Variants in PAX5 observed in about 807,000 individuals in gnomAD.
PAX5 encodes the protein paired box protein Pax-5.
Under a neutral mutation model 43.7 loss-of-function variants are expected in PAX5, and 9 were observed. The observed-to-expected ratio is 0.21, with a 90% CI of 0.12 to 0.36. The LOEUF (loss-of-function observed/expected upper bound fraction) is 0.36. Among genes scored for constraint, PAX5 ranks in the 10% least tolerant of loss-of-function variants. The probability of loss-of-function intolerance (pLI) is 1.00; values close to 1 mark genes in which losing one functional copy is unlikely to be tolerated. For synonymous variants in PAX5, 228 were observed against 214.3 expected (o/e 1.06, Z -0.56); for missense variants, 383 against 532.7 (o/e 0.72, Z 2.77).
At chr9:36,953,076 T>C (rs973663607) in intron 6 of PAX5, among the ~76,000 whole-genome samples, 5 of 152,204 alleles carry the variant, frequency 3.3e-5, no homozygotes, top group African/African-American at 9.6e-5. Flanking sequence ...AAAGTCTTTA[T>C]TTTTTCCTTC....
intron 7 of PAX5, among the ~76,000 whole-genome samples, chr9:36,898,594 T>G (rs1269948016): frequency 6.6e-6 from 1 of 152,098 alleles, no homozygotes; most frequent in East Asian, 1.9e-4. Context: ...TGACGGGAAA[T>G]GCTTTGGAAA....
At chr9:36,931,155 T>C (rs1831086559) in intron 6 of PAX5, among the ~76,000 whole-genome samples, 1 of 152,168 alleles carries the variant, frequency 6.6e-6, no homozygotes, top group African/African-American at 2.4e-5. Flanking sequence ...GGCCAACCAT[T>C]CCCATTCTGA....
intron 7 of PAX5, among the ~76,000 whole-genome samples, chr9:36,891,742 C>T (rs1347510107): frequency 2.0e-5 from 3 of 152,082 alleles, no homozygotes; most frequent in Non-Finnish European, 4.4e-5. Context: ...GAATAGTAAC[C>T]CTCAATTTCT....
intron 5 of PAX5, among the ~76,000 whole-genome samples, chr9:36,969,877 G>A (rs1307537961): frequency 6.6e-6 from 1 of 152,198 alleles, no homozygotes; most frequent in Non-Finnish European, 1.5e-5. Context: ...CTTTACTAGG[G>A]AAATAATGGC....
At chr9:36,886,385 C>A (rs541643824) in intron 7 of PAX5, among the ~76,000 whole-genome samples, 4 of 152,296 alleles carry the variant, frequency 2.6e-5, no homozygotes, top group Admixed American at 2.0e-4. Context: ...GGTTGGGGAA[C>A]CCAGTCTTAT....
At chr9:36,848,619 A>G (rs1563886929) in intron 8 of PAX5, among the ~76,000 whole-genome samples, 1 of 152,124 alleles carries the variant, frequency 6.6e-6, no homozygotes, top group Non-Finnish European at 1.5e-5. Flanking sequence ...GAACAGGGAC[A>G]GCGCCCTCCC....
At chr9:36,895,385 G>A (rs10973120) in intron 7 of PAX5, among the ~76,000 whole-genome samples, 70,995 of 152,144 alleles carry the variant, frequency 0.47, 19,807 homozygotes, top group East Asian at 0.66. Context: ...AATCGTATGA[G>A]GTAGAAATGA....
rs115172178 is a variant in PAX5, at chr9:36,900,372, C to A, written c.911-18267G>T. The stretch of plus-strand genomic sequence containing the variant: ...GTGTGAACCAAAGGGTCTGCGTCCA[C>A]AGGCGACAGCATGGCCGCTTCACAG... On this transcript the variant is annotated intron_variant, in intron 7 of 9. Coordinates refer to ENST00000358127, the MANE Select transcript of PAX5 (RefSeq NM_016734.3). Among the ~76,000 whole-genome samples the A allele has an allele frequency of 1.5e-3, 223 of 152,358 alleles. 1 individual carries two copies. The highest frequency in any genetic ancestry group is 5.0e-3 in the African/African-American group (208 of 41,582).
intron 8 of PAX5, among the ~76,000 whole-genome samples, chr9:36,874,835 C>T (rs539048442): frequency 6.6e-6 from 1 of 152,268 alleles, no homozygotes; most frequent in African/African-American, 2.4e-5. Flanking sequence ...TGTTCACCGC[C>T]CTATCCAGCC....
chr9:36,921,851 G>A (rs1830198636), intron 7 of PAX5, among the ~76,000 whole-genome samples: 1 of 152,166 alleles, frequency 6.6e-6, no homozygotes, highest in African/African-American at 2.4e-5. Flanking sequence ...CCTGAGACTT[G>A]GTTTCTGTGT....
rs1034929171 is a variant in PAX5 at position 36,835,414 on chromosome 9, GCT to G, written c.*5144_*5145del. The G allele has an allele frequency of 1.3e-5, 3 of 232,642 alleles. No homozygotes were observed. The highest frequency in any genetic ancestry group is 1.1e-4 in the Admixed American group (2 of 17,760). The allele number at this position is 232,642 out of a possible 1,614,324, so 14.4% of individuals were successfully genotyped here. A position where few individuals can be genotyped will look rare whatever the true frequency, so the allele number is the denominator to read the frequency against. The stretch of plus-strand genomic sequence containing the variant: ...CATCAGGGGAGCAGGCAGGCAAGGG[GCT>G]CACAGCCTGGCCTCTGCAGAGGCCC... On this transcript the variant is annotated 3_prime_UTR_variant, in exon 10 of 10. Transcript: ENST00000358127.
intron 7 of PAX5, among the ~76,000 whole-genome samples, chr9:36,900,937 G>C (rs866366708): frequency 3.2e-4 from 49 of 152,290 alleles, no homozygotes; most frequent in Middle Eastern, 3.4e-3. Flanking sequence ...AACCAGGGGA[G>C]CATCGTTGAT....
rs574758914 is a variant in PAX5, at chr9:36,964,206, G to A, written c.780+2343C>T. ...TGAGGCAGGAGAAAGGCGCGAACCC[G>A]GGAGGTGGAGCTTGCAGTGAGCCGA... On this transcript the variant is annotated intron_variant, in intron 6 of 9. Coordinates refer to ENST00000358127, the MANE Select transcript of PAX5 (RefSeq NM_016734.3). Among the ~76,000 whole-genome samples, 7 of 150,772 alleles carry A rather than the reference G, an allele frequency of 4.6e-5. No homozygotes were observed. The South Asian group carries it at 8.5e-4, about 18-fold the overall frequency.
chr9:36,910,796 C>T (rs1829210619), intron 7 of PAX5, among the ~76,000 whole-genome samples: 1 of 152,188 alleles, frequency 6.6e-6, no homozygotes, highest in Non-Finnish European at 1.5e-5. Context: ...TGACCCCGCG[C>T]TGTGTGAAGA....
At position 37,012,389 on chromosome 9, in the gene PAX5, T is replaced by G. The variant is rs1459922924; in HGVS notation, c.410+2608A>C. Reference sequence around the variant, plus strand: ...CTGCACTCTCCATCTTGGCCTCTGTTGCTACAACTGCCACAGGATAGAGTC... The same window carrying G: ...CTGCACTCTCCATCTTGGCCTCTGTGGCTACAACTGCCACAGGATAGAGTC... On this transcript the variant is annotated intron_variant, in intron 3 of 9. Coordinates refer to ENST00000358127, the MANE Select transcript of PAX5 (RefSeq NM_016734.3). Among the ~76,000 whole-genome samples the G allele has an allele frequency of 2.0e-5, 3 of 152,146 alleles. No individual in the cohort carries two copies. In the East Asian group the frequency reaches 5.8e-4, roughly 29 times the overall value.
At chr9:36,846,693 T>C in intron 9 of PAX5, 150 bp downstream of exon 9, 1 of 556,862 alleles carries the variant, frequency 1.8e-6, no homozygotes, top group Non-Finnish European at 3.2e-6. Flanking sequence ...AAGGCCCCCA[T>C]GAAAACACCT....
At chr9:36,938,139 C>T (rs763275978) in intron 6 of PAX5, among the ~76,000 whole-genome samples, 3 of 152,128 alleles carry the variant, frequency 2.0e-5, no homozygotes, top group Non-Finnish European at 4.4e-5. Context: ...TGCTTGTATG[C>T]CTTTTTATCA....
intron 8 of PAX5, among the ~76,000 whole-genome samples, chr9:36,848,540 G>C (rs983535039): frequency 1.3e-5 from 2 of 152,154 alleles, no homozygotes; most frequent in African/African-American, 4.8e-5. Flanking sequence ...CCCGGCTCCG[G>C]CATATCCATC....
intron 5 of PAX5, among the ~76,000 whole-genome samples, chr9:36,972,318 C>G (rs2132227459): frequency 6.6e-6 from 1 of 152,310 alleles, no homozygotes; most frequent in South Asian, 2.1e-4. Flanking sequence ...AGCCAGCAGT[C>G]CCGGGTTCTA....
Sources: gnomAD v4.1 joint callset for allele counts (sites outside exome capture counted in the v4.1 genomes callset) on GRCh38, gnomAD v4.1.1 for gene constraint, MANE v1.5 for transcripts, NCBI Gene and HGNC (gene_info 2026-07-23, HGNC 2026-07-21) for gene names.